Variants in CCDC73 observed in about 807,000 individuals in gnomAD.
The protein encoded by CCDC73 is coiled-coil domain containing 73, also known as coiled-coil domain-containing protein 73.
A neutral mutation model predicts 116.5 loss-of-function variants in CCDC73; 95 were observed. The observed-to-expected ratio is 0.82, with a 90% CI of 0.69 to 0.97. The LOEUF (loss-of-function observed/expected upper bound fraction) is 0.97, where lower values mean the gene tolerates loss of function less well. Ranked by LOEUF, CCDC73 falls within the 50% of genes least tolerant of loss-of-function variation. The pLI is 0.00. For missense variants in CCDC73, 1,066 were observed against 1,206.8 expected (o/e 0.88, Z 1.73); for synonymous variants, 398 against 401.3 (o/e 0.99, Z 0.10).
At chr11:32,654,061 A>G (rs1565067291) in intron 10 of CCDC73, 24 bp from the exon 11 acceptor site, 21 of 1,571,978 alleles carry the variant, frequency 1.3e-5, no homozygotes, top group Non-Finnish European at 1.8e-5. Context: ...ATAGTTTTAA[A>G]GTTATGATAT....
intron 2 of CCDC73, among the ~76,000 whole-genome samples, chr11:32,721,981 C>T (rs1214410520): frequency 6.6e-6 from 1 of 152,168 alleles, no homozygotes; most frequent in Non-Finnish European, 1.5e-5. Context: ...GATAGACTTT[C>T]ATGAAAGTTG....
chr11:32,794,592 C>G (rs572856474), intron 1 of CCDC73, 21 bp downstream of exon 1: 1 of 152,294 alleles, frequency 6.6e-6, no homozygotes, highest in Non-Finnish European at 1.5e-5. Flanking sequence ...CAACTACACG[C>G]TTGTGACTGC....
intron 7 of CCDC73, among the ~76,000 whole-genome samples, chr11:32,677,809 G>A (rs545380880): frequency 6.6e-5 from 10 of 150,528 alleles, no homozygotes; most frequent in South Asian, 2.1e-4. Flanking sequence ...AAAATTAGCC[G>A]GGCATGGTGA....
At chr11:32,730,155 C>A (rs2133343910) in intron 2 of CCDC73, among the ~76,000 whole-genome samples, 1 of 152,302 alleles carries the variant, frequency 6.6e-6, no homozygotes, top group Admixed American at 6.5e-5. Flanking sequence ...TGTCATTTTA[C>A]AGGTTTGACA....
intron 1 of CCDC73, among the ~76,000 whole-genome samples, chr11:32,764,688 G>A (rs574736882): frequency 6.6e-6 from 1 of 152,150 alleles, no homozygotes; most frequent in African/African-American, 2.4e-5. Flanking sequence ...ATCGATGCTA[G>A]GAAGAAACTG....
At chr11:32,622,628 A>C (rs1170454492) in intron 14 of CCDC73, among the ~76,000 whole-genome samples, 2 of 150,970 alleles carry the variant, frequency 1.3e-5, no homozygotes, top group Admixed American at 6.7e-5. Flanking sequence ...ACTATGTAAC[A>C]AACCTGCACA....
intron 12 of CCDC73, among the ~76,000 whole-genome samples, chr11:32,643,307 TGTTTCAG>T (rs1855749524): frequency 6.6e-6 from 1 of 152,142 alleles, no homozygotes; most frequent in Non-Finnish European, 1.5e-5. Context: ...TGATTGCCTC[TGTTTCAG>T]GATAACATAG....
chr11:32,690,340 G>A (rs944621025), intron 6 of CCDC73, among the ~76,000 whole-genome samples: 1 of 152,122 alleles, frequency 6.6e-6, no homozygotes, highest in Non-Finnish European at 1.5e-5. Flanking sequence ...TAGGTTCACA[G>A]CAAAATCCAG....
intron 14 of CCDC73, among the ~76,000 whole-genome samples, chr11:32,618,798 C>T (rs1010830258): frequency 7.2e-5 from 11 of 152,092 alleles, no homozygotes; most frequent in Non-Finnish European, 1.6e-4. Context: ...GTGATCTACT[C>T]GTCTTGGCCT....
intron 2 of CCDC73, among the ~76,000 whole-genome samples, chr11:32,719,859 T>C (rs1057041315): frequency 2.0e-5 from 3 of 151,964 alleles, no homozygotes; most frequent in Non-Finnish European, 4.4e-5. Flanking sequence ...ACCAAGATAA[T>C]ACAGACAATC....
intron 2 of CCDC73, among the ~76,000 whole-genome samples, chr11:32,718,878 C>T (rs972256496): frequency 5.3e-5 from 8 of 152,116 alleles, no homozygotes; most frequent in Non-Finnish European, 1.2e-4. Flanking sequence ...ACATGCTAGG[C>T]CCAGCATTAC....
At chr11:32,772,731 T>C (rs1204167796) in intron 1 of CCDC73, among the ~76,000 whole-genome samples, 1 of 152,204 alleles carries the variant, frequency 6.6e-6, no homozygotes, top group East Asian at 1.9e-4. Context: ...ATAAAGGTGT[T>C]AGTTATTCTA....
intron 1 of CCDC73, among the ~76,000 whole-genome samples, chr11:32,772,193 A>AG (rs1850497403): frequency 1.3e-5 from 2 of 152,030 alleles, no homozygotes; most frequent in Admixed American, 6.6e-5. Flanking sequence ...TTTTAGTTTA[A>AG]TTTTTTTTAT....
intron 14 of CCDC73, among the ~76,000 whole-genome samples, chr11:32,633,323 C>A (rs982073113): frequency 6.6e-5 from 10 of 152,168 alleles, no homozygotes; most frequent in Non-Finnish European, 2.9e-5. Flanking sequence ...AGAGGGGCAT[C>A]AATTTGATCC....
chr11:32,777,299 T>C (rs1324001645), intron 1 of CCDC73, among the ~76,000 whole-genome samples: 2 of 151,588 alleles, frequency 1.3e-5, no homozygotes, highest in African/African-American at 4.9e-5. Flanking sequence ...AAGATGGCGT[T>C]TTGCCATGTT....
chr11:32,818,340 G>A, the CCDC73 span, among the ~76,000 whole-genome samples: 1 of 152,194 alleles, frequency 6.6e-6, no homozygotes, highest in Non-Finnish European at 1.5e-5. Flanking sequence ...GTCAGCCCTT[G>A]AGCAAGTTGT....
intron 14 of CCDC73, among the ~76,000 whole-genome samples, chr11:32,629,125 A>G (rs1288488595): frequency 6.6e-6 from 1 of 152,168 alleles, no homozygotes; most frequent in East Asian, 1.9e-4. Flanking sequence ...TGAAGCAGAG[A>G]GGGAAAAAAA....
At chr11:32,635,652 A>T (rs77157039) in intron 14 of CCDC73, 44 bp downstream of exon 14, 45,213 of 1,235,858 alleles carry the variant, frequency 0.037, 961 homozygotes, top group Non-Finnish European at 0.039. Context: ...TGACAGTCTT[A>T]ATTTCTTTGA....
At chr11:32,629,400 G>C (rs1434476754) in intron 14 of CCDC73, among the ~76,000 whole-genome samples, 3 of 149,150 alleles carry the variant, frequency 2.0e-5, no homozygotes, top group Non-Finnish European at 3.0e-5. Context: ...CTTAAAAGCT[G>C]TCAGAGATAT....
Sources: gnomAD v4.1 joint callset for allele counts (sites outside exome capture counted in the v4.1 genomes callset) on GRCh38, gnomAD v4.1.1 for gene constraint, MANE v1.5 for transcripts, NCBI Gene and HGNC (gene_info 2026-07-23, HGNC 2026-07-21) for gene names.